IGSF3: variants seen among roughly 807,000 people sequenced by gnomAD.
The protein encoded by IGSF3 is glu-Trp-Ile EWI motif-containing protein 3.
Under a neutral mutation model 114.4 loss-of-function variants are expected in IGSF3, and 23 were observed. The ratio of observed to expected loss-of-function variants is 0.20; its 90% CI spans 0.14 to 0.28. The LOEUF is 0.28. Ranked by LOEUF, IGSF3 falls within the 10% of genes least tolerant of loss-of-function variation. The pLI is 1.00. For synonymous variants in IGSF3, 571 were observed against 645.2 expected, an observed-to-expected ratio of 0.88 and a Z score of 1.74; for missense variants, 1,172 against 1,591.5, an observed-to-expected ratio of 0.74 and a Z score of 4.48.
At chr1:116,656,853 G>A (rs529317332) in intron 2 of IGSF3, among the ~76,000 whole-genome samples, 2 of 152,016 alleles carry the variant, frequency 1.3e-5, no homozygotes, top group African/African-American at 2.4e-5. Flanking sequence ...ACTCAAACCC[G>A]GGAGGCGGAG....
rs560318125 is a variant in IGSF3 at position 116,625,534 on chromosome 1, G to A, written c.44-9077C>T. 1.3e-5 allele frequency among the ~76,000 whole-genome samples: 2 copies of A among 152,338 alleles called. No individual in the cohort carries two copies. Among genetic ancestry groups the A allele is most frequent in the South Asian group, 4.1e-4 (2 of 4,826 alleles). On this transcript the variant is annotated intron_variant, in intron 2 of 10. Transcript: ENST00000369486. The surrounding 1 kb of genome is among the most constrained non-coding windows in gnomAD (Gnocchi z 4.7). ...AAGTCAAACACCTCCTCTGGGACTG[G>A]GGAAGTTGAGAAAGAGCCTAACAGA...
rs1355236146 is a variant in IGSF3 at position 116,644,517 on chromosome 1, G to C, written c.43+21767C>G. Among the ~76,000 whole-genome samples, 1 of 152,194 alleles carries C rather than the reference G, an allele frequency of 6.6e-6. No homozygotes were observed. Among genetic ancestry groups the C allele is most frequent in the African/African-American group, 2.4e-5 (1 of 41,444 alleles). ...CACCTCTAACTCCATCTCTGGCCAG[G>C]AGCCAGCATAGTAGGTGCCGTGAAA... On this transcript the variant is annotated intron_variant, in intron 2 of 10. Transcript: ENST00000369486. This position sits in a 1 kb window ranked among gnomAD's most constrained non-coding sequence, Gnocchi z 5.6.
In IGSF3 at chr1:116,654,815, T is replaced by G. The variant is rs1648780845; in HGVS notation, c.43+11469A>C. On this transcript the variant is annotated intron_variant, in intron 2 of 10. Transcript: ENST00000369486. This position sits in a 1 kb window ranked among gnomAD's most constrained non-coding sequence, Gnocchi z 4.4. ...TAAGGACGTTCCACACACCCAGGAC[T>G]TGGGATATTTGTGTATTTTCAAGAA... 6.6e-6 allele frequency among the ~76,000 whole-genome samples: 1 copy of G among 152,110 alleles called. No individual in the cohort carries two copies. The highest frequency in any genetic ancestry group is 6.5e-5 in the Admixed American group (1 of 15,276).
In IGSF3 at chr1:116,603,963, G is replaced by C. The variant is rs968366784; in HGVS notation, c.1285C>G (p.Arg429Gly). The C allele has an allele frequency of 6.2e-7, 1 of 1,613,154 alleles. No homozygotes were observed. The highest frequency in any genetic ancestry group is 8.5e-7 in the Non-Finnish European group (1 of 1,179,980). ...GCCGTGCGGACACTGCAGGAGAAGC[G>C]CAGGTCCTCGCCCTCAAGGATGACG... Reference protein sequence around the residue: ...ASVILEGEDLRFSCSVRTAGR... With the variant: ...ASVILEGEDLGFSCSVRTAGR... Residue 429 changes from arginine to glycine, a missense_variant, in exon 6 of 11, where the codon CGC (arginine) becomes GGC (glycine). Arg to Gly is a moderately radical substitution (Grantham distance 125). Transcript: ENST00000369486. The surrounding 1 kb of genome is among the most constrained non-coding windows in gnomAD (Gnocchi z 7.1).
chr1:116,667,548 G>GCTCCCCT, intron 1 of IGSF3, 70 bp downstream of exon 1: 1 of 81,826 alleles, frequency 1.2e-5, no homozygotes, highest in Non-Finnish European at 2.6e-5. Context: ...CCCGCTCCCC[G>GCTCCCCT]CTCCACGCCT....
rs1659347417 is a variant in IGSF3 at position 116,576,518 on chromosome 1, G to GCCCAAAC, written c.*793_*794insGTTTGGG. 2 of 152,596 alleles carry GCCCAAAC rather than the reference G, an allele frequency of 1.3e-5. No homozygotes were observed. Among genetic ancestry groups the GCCCAAAC allele is most frequent in the Non-Finnish European group, 1.5e-5 (1 of 68,038 alleles). The allele number at this position is 152,596 out of a possible 1,614,324, so 9.5% of individuals were successfully genotyped here. A position where few individuals can be genotyped will look rare whatever the true frequency, so the allele number is the denominator to read the frequency against. ...TAATTTGGAAAGTGTGTGCCGTTTG[G>GCCCAAAC]GGCTTCTGACCCATTCTCCAAGACA... On this transcript the variant is annotated 3_prime_UTR_variant, in exon 11 of 11. Transcript: ENST00000369486. The surrounding 1 kb of genome is among the most constrained non-coding windows in gnomAD (Gnocchi z 4.6).
chr1:116,630,240 C>A (rs189964581), intron 2 of IGSF3, among the ~76,000 whole-genome samples: 1 of 152,218 alleles, frequency 6.6e-6, no homozygotes, highest in Non-Finnish European at 1.5e-5. Context: ...GCTCTCCAGG[C>A]ACGCCCTCCT....
chr1:116,577,500 G>A lies in IGSF3; in HGVS notation c.3397C>T (p.Pro1133Ser). 3 of 1,614,114 alleles carry A rather than the reference G, an allele frequency of 1.9e-6. No homozygotes were observed. Among genetic ancestry groups the A allele is most frequent in the Non-Finnish European group, 2.5e-6 (3 of 1,179,980 alleles). The change falls in exon 11 of 11, where the codon CCT (proline) becomes TCT (serine). Residue 1133 changes from proline (P) to serine (S), a missense_variant. By Grantham distance (74) the Pro-to-Ser change is moderately conservative. Coordinates refer to ENST00000369486, the MANE Select transcript of IGSF3 (RefSeq NM_001007237.3). The surrounding 1 kb of genome is among the most constrained non-coding windows in gnomAD (Gnocchi z 5.7). ...ATAAGAATGCCAAAGATGGGGAAAG[G>A]GTAGAAGAAGACGAAGTAGAAGAGT... ...DALFYFVFFYPFPIFGILIIT... is the reference protein window; with the variant it reads ...DALFYFVFFYSFPIFGILIIT...
chr1:116,654,168 G>A lies in IGSF3; in HGVS notation c.43+12116C>T, dbSNP rs1413502447. 6.6e-6 allele frequency among the ~76,000 whole-genome samples: 1 copy of A among 152,170 alleles called. No individual in the cohort carries two copies. Among genetic ancestry groups the A allele is most frequent in the Admixed American group, 6.5e-5 (1 of 15,282 alleles). On this transcript the variant is annotated intron_variant, in intron 2 of 10. Coordinates refer to ENST00000369486, the MANE Select transcript of IGSF3 (RefSeq NM_001007237.3). The surrounding 1 kb of genome is among the most constrained non-coding windows in gnomAD (Gnocchi z 4.4). The stretch of plus-strand genomic sequence containing the variant: ...ATCTCCAAACCAACACCAAACCACT[G>A]CCAAACAAAGCTGAAGAGGAAAACC...
intron 2 of IGSF3, among the ~76,000 whole-genome samples, chr1:116,658,824 A>T (rs867298020): frequency 1.1e-4 from 17 of 152,004 alleles, no homozygotes; most frequent in Admixed American, 1.3e-4. Context: ...GTAGACACCT[A>T]CCCTCAGTGA....
chr1:116,601,286 T>A (rs1449077384), intron 6 of IGSF3, among the ~76,000 whole-genome samples: 9 of 152,206 alleles, frequency 5.9e-5, no homozygotes, highest in Non-Finnish European at 1.2e-4. Context: ...AGAGTTAGTC[T>A]CCAACCACAT....
rs1571169349 is a variant in IGSF3, at chr1:116,624,802, G to T, written c.44-8345C>A. Among the ~76,000 whole-genome samples the T allele has an allele frequency of 6.6e-6, 1 of 152,180 alleles. No homozygotes were observed. The highest frequency in any genetic ancestry group is 2.1e-4 in the South Asian group (1 of 4,828). On this transcript the variant is annotated intron_variant, in intron 2 of 10. Transcript: ENST00000369486. The surrounding 1 kb of genome is among the most constrained non-coding windows in gnomAD (Gnocchi z 4.9). Reference sequence around the variant, plus strand: ...GAACCACCACATAAGACAGCCAACGGTCCTGAGGCCATGCTGTGAGGGGGC... The same window carrying T: ...GAACCACCACATAAGACAGCCAACGTTCCTGAGGCCATGCTGTGAGGGGGC...
At chr1:116,609,636 G>A (rs146182597) in intron 4 of IGSF3, among the ~76,000 whole-genome samples, 1,550 of 152,098 alleles carry the variant, frequency 0.01, 12 homozygotes, top group Non-Finnish European at 0.017. Context: ...AAAGAACACC[G>A]AGGTGGAAAA....
chr1:116,643,563 C>T (rs2101058336), intron 2 of IGSF3, among the ~76,000 whole-genome samples: 1 of 152,368 alleles, frequency 6.6e-6, no homozygotes, highest in East Asian at 1.9e-4. Context: ...TGTGGCCAGC[C>T]TGTCCCAGGC....
Position 116,603,521 on chromosome 1 carries a change from A to T in IGSF3, c.1624+103T>A, listed in dbSNP as rs1660678493. ...AAACTCTATAGGTAAAAGACTGGCC[A>T]TAGTTTCCTGCTAAAACTCTGACTG... is the stretch of plus-strand genomic sequence containing the variant. On this transcript the variant is annotated intron_variant, in intron 6 of 10. Coordinates refer to ENST00000369486, the MANE Select transcript of IGSF3 (RefSeq NM_001007237.3). This position sits in a 1 kb window ranked among gnomAD's most constrained non-coding sequence, Gnocchi z 7.1. 3 of 1,149,950 alleles carry T rather than the reference A, an allele frequency of 2.6e-6. No homozygotes were observed. The Admixed American group carries it at 6.1e-5, about 23-fold the overall frequency. 71.2% of individuals were successfully genotyped at this position (1,149,950 alleles called of 1,614,324 possible).
chr1:116,644,373 A>G lies in IGSF3; in HGVS notation c.43+21911T>C, dbSNP rs1410373738. Among the ~76,000 whole-genome samples the G allele has an allele frequency of 6.6e-6, 1 of 152,228 alleles. No individual in the cohort carries two copies. Among genetic ancestry groups the G allele is most frequent in the Non-Finnish European group, 1.5e-5 (1 of 68,046 alleles). ...CCAGACGGGAGATGCGCCATATAACAGCAGCAGTTCCACACAGCCCTGCAC... is the reference window on the plus strand; with the variant it reads ...CCAGACGGGAGATGCGCCATATAACGGCAGCAGTTCCACACAGCCCTGCAC... On this transcript the variant is annotated intron_variant, in intron 2 of 10. Transcript: ENST00000369486. This position sits in a 1 kb window ranked among gnomAD's most constrained non-coding sequence, Gnocchi z 5.6.
At position 116,632,796 on chromosome 1, in the gene IGSF3, G is replaced by T. The variant is rs1393130464; in HGVS notation, c.44-16339C>A. On this transcript the variant is annotated intron_variant, in intron 2 of 10. Coordinates refer to ENST00000369486, the MANE Select transcript of IGSF3 (RefSeq NM_001007237.3). This position sits in a 1 kb window ranked among gnomAD's most constrained non-coding sequence, Gnocchi z 5.1. Reference sequence around the variant, plus strand: ...ACAGCCAACTCCAGAAAAATAAAAGGCTGCAGCGAGAAACAAGTGGGGCCA... The same window carrying T: ...ACAGCCAACTCCAGAAAAATAAAAGTCTGCAGCGAGAAACAAGTGGGGCCA... Among the ~76,000 whole-genome samples the T allele has an allele frequency of 6.6e-6, 1 of 152,174 alleles. No homozygotes were observed. The highest frequency in any genetic ancestry group is 1.5e-5 in the Non-Finnish European group (1 of 68,026).
rs1287556077 is a variant in IGSF3, at chr1:116,634,432, C to CAGCAA, written c.44-17980_44-17976dup. The stretch of plus-strand genomic sequence containing the variant: ...GTTCACATCTGCCTTGGAGCACCCA[C>CAGCAA]AGCAAGCCTGGCTTCATGCCCAGAA... On this transcript the variant is annotated intron_variant, in intron 2 of 10. Coordinates refer to ENST00000369486, the MANE Select transcript of IGSF3 (RefSeq NM_001007237.3). The surrounding 1 kb of genome is among the most constrained non-coding windows in gnomAD (Gnocchi z 4.2). 6.6e-6 allele frequency among the ~76,000 whole-genome samples: 1 copy of CAGCAA among 151,338 alleles called. No individual in the cohort carries two copies. Among genetic ancestry groups the CAGCAA allele is most frequent in the Admixed American group, 6.6e-5 (1 of 15,252 alleles).
intron 2 of IGSF3, among the ~76,000 whole-genome samples, chr1:116,646,291 G>T (rs1052528421): frequency 3.9e-5 from 6 of 152,276 alleles, no homozygotes; most frequent in Non-Finnish European, 8.8e-5. Context: ...CTTTTGTCCG[G>T]CTTCTGGTGA....
Sources: gnomAD v4.1 joint callset for allele counts (sites outside exome capture counted in the v4.1 genomes callset) on GRCh38, gnomAD v4.1.1 for gene constraint, Gnocchi (gnomAD v3.1) non-coding constraint, MANE v1.5 for transcripts, NCBI Gene and HGNC (gene_info 2026-07-23, HGNC 2026-07-21) for gene names.